The following ANKK1 variants were observed in gnomAD, a reference collection of about 807,000 sequenced individuals.
ANKK1 encodes ankyrin repeat and protein kinase domain-containing protein 1.
A neutral mutation model predicts 37.6 loss-of-function variants in ANKK1; 37 were observed. The observed-to-expected ratio is 0.98, with a 90% CI of 0.76 to 1.29. The LOEUF (loss-of-function observed/expected upper bound fraction) is 1.29. Among genes scored for constraint, ANKK1 ranks in the 50% most tolerant of loss-of-function variants. The pLI is 0.00. For missense variants in ANKK1, 1,019 were observed against 990.6 expected, an observed-to-expected ratio of 1.03 and a Z score of -0.39; for synonymous variants, 415 against 418.7, an observed-to-expected ratio of 0.99 and a Z score of 0.11.
rs754272864 is a variant in ANKK1 at position 113,396,067 on chromosome 11, G to A, written c.683G>A (p.Gly228Glu). ...ACATAGCCTGAGCCTCCCTTTGCAG[G>A]GTTCAACATGATGATGATTATTATC... ...ELLTQKKPYS[G>E]FNMMMIIIRV... The change falls in exon 5 of 8, where the codon GGG becomes GAG. Residue 228 changes from glycine to glutamate, a missense_variant and splice_region_variant. Physicochemically the swap from Gly to Glu is moderately conservative, Grantham distance 98. Coordinates refer to ENST00000303941, the MANE Select transcript of ANKK1 (RefSeq NM_178510.2). The A allele has an allele frequency of 6.8e-6, 11 of 1,613,928 alleles. No individual in the cohort carries two copies. Among genetic ancestry groups the A allele is most frequent in the Non-Finnish European group, 8.5e-6 (10 of 1,179,830 alleles).
Position 113,387,952 on chromosome 11 carries a change from G to A in ANKK1, c.68G>A (p.Gly23Asp), listed in dbSNP as rs1266239209. The A allele has an allele frequency of 1.3e-6, 2 of 1,574,226 alleles. No homozygotes were observed. The highest frequency in any genetic ancestry group is 2.3e-5 in the South Asian group (2 of 86,212). Reference sequence around the variant, plus strand: ...GTCTTCACCCGCGACGACTTCGAGGGCGACTGGCGCCTAGTGGCCAGCGGC... The same window carrying A: ...GTCTTCACCCGCGACGACTTCGAGGACGACTGGCGCCTAGTGGCCAGCGGC... ...LPVFTRDDFE[G>D]DWRLVASGGF... Residue 23 changes from glycine to aspartate, a missense_variant, in exon 1 of 8, where the codon GGC (glycine) becomes GAC (aspartate). Physicochemically the swap from Gly to Asp is moderately conservative, Grantham distance 94. Transcript: ENST00000303941.
At chr11:113,392,913 AAGAG>A (rs748797519) in intron 1 of ANKK1, among the ~76,000 whole-genome samples, 2 of 152,226 alleles carry the variant, frequency 1.3e-5, no homozygotes, top group African/African-American at 4.8e-5. Context: ...GAAGGAGTGA[AAGAG>A]AGGGAGAAAG....
chr11:113,397,116 C>A, intron 5 of ANKK1, 108 bp from the exon 6 acceptor site: 1 of 903,082 alleles, frequency 1.1e-6, no homozygotes, highest in Non-Finnish European at 1.7e-6. Context: ...ATATGTGAGC[C>A]CAGGAATGGA....
intron 4 of ANKK1, among the ~76,000 whole-genome samples, chr11:113,395,754 C>G (rs917349678): frequency 1.3e-5 from 2 of 152,210 alleles, no homozygotes; most frequent in Admixed American, 6.5e-5. Context: ...AACCTTGCAA[C>G]CTTGAGAGTC....
Position 113,397,313 on chromosome 11 carries a change from T to C in ANKK1, c.928T>C (p.Cys310Arg), listed in dbSNP as rs1209527757. The change falls in exon 6 of 8, where the codon TGC becomes CGC. Residue 310 changes from cysteine (C) to arginine (R), a missense_variant. Coordinates refer to ENST00000303941, the MANE Select transcript of ANKK1 (RefSeq NM_178510.2). Reference protein sequence around the residue: ...ESKALARKVSCKLSLRQPGEV... With the variant: ...ESKALARKVSRKLSLRQPGEV... ...CAAGGCCCTGGCCAGGAAGGTGTCCTGCAAGCTGTCGCTGCGCCAGCCCGG... is the reference window on the plus strand; with the variant it reads ...CAAGGCCCTGGCCAGGAAGGTGTCCCGCAAGCTGTCGCTGCGCCAGCCCGG... 6.2e-7 allele frequency: 1 copy of C among 1,612,704 alleles called. No individual in the cohort carries two copies. The highest frequency in any genetic ancestry group is 2.2e-5 in the East Asian group (1 of 44,828).
In ANKK1 at chr11:113,395,418, C is replaced by A; in HGVS notation, c.682+10C>A. 7 of 1,613,592 alleles carry A rather than the reference C, an allele frequency of 4.3e-6. No individual in the cohort carries two copies. Among genetic ancestry groups the A allele is most frequent in the Non-Finnish European group, 5.9e-6 (7 of 1,179,714 alleles). ...AAGAAACCATACTCAGGTAAGCAGG[C>A]GGCTGTGGCTCTGTGTTGGGGGCAG... On this transcript the variant is annotated intron_variant, in intron 4 of 7. Coordinates refer to ENST00000303941, the MANE Select transcript of ANKK1 (RefSeq NM_178510.2).
intron 1 of ANKK1, among the ~76,000 whole-genome samples, chr11:113,388,708 G>A (rs1057109368): frequency 1.3e-5 from 2 of 152,302 alleles, no homozygotes; most frequent in East Asian, 3.9e-4. Flanking sequence ...CTACAGCGAC[G>A]CCTTGACATG....
chr11:113,400,309 C>A lies in ANKK1; in HGVS notation c.*42C>A. ...TGGTGGCTCACGTCTGTAATCCCAG[C>A]ACTTTGGGAGGCTGAGGCAGGCAGA... On this transcript the variant is annotated 3_prime_UTR_variant, in exon 8 of 8. Coordinates refer to ENST00000303941, the MANE Select transcript of ANKK1 (RefSeq NM_178510.2). The A allele has an allele frequency of 4.1e-6, 6 of 1,480,906 alleles. No homozygotes were observed. The highest frequency in any genetic ancestry group is 1.4e-5 in the African/African-American group (1 of 71,548). The allele number at this position is 1,480,906 out of a possible 1,614,324, so 91.7% of individuals were successfully genotyped here.
At chr11:113,392,267 A>G (rs1950593234) in intron 1 of ANKK1, among the ~76,000 whole-genome samples, 1 of 152,228 alleles carries the variant, frequency 6.6e-6, no homozygotes, top group South Asian at 2.1e-4. Flanking sequence ...TGTGATTCCC[A>G]CATCCCATGC....
chr11:113,390,581 A>G (rs553843033), intron 1 of ANKK1, among the ~76,000 whole-genome samples: 27 of 152,264 alleles, frequency 1.8e-4, no homozygotes, highest in African/African-American at 5.8e-4. Context: ...CTAAAAATAC[A>G]TAAATTAGCT....
chr11:113,394,885 T>C (rs745898839), intron 2 of ANKK1, 44 bp from the exon 3 acceptor site: 8 of 1,601,656 alleles, frequency 5.0e-6, no homozygotes, highest in Non-Finnish European at 6.0e-6. Flanking sequence ...TTTCTGGTCA[T>C]GAGGCTCTAT....
At chr11:113,396,042 A>G in intron 4 of ANKK1, 25 bp from the exon 5 acceptor site, 1 of 1,612,224 alleles carries the variant, frequency 6.2e-7, no homozygotes, top group Non-Finnish European at 8.5e-7. Context: ...CTCAGCACCC[A>G]CATAGCCTGA....
At chr11:113,395,150 C>G (rs1212669803) in intron 3 of ANKK1, 70 bp downstream of exon 3, 10 of 1,534,538 alleles carry the variant, frequency 6.5e-6, no homozygotes, top group Non-Finnish European at 7.9e-6. Flanking sequence ...TGCCTGGCCT[C>G]TATGGCCCAA....
At position 113,399,193 on chromosome 11, in the gene ANKK1, C is replaced by T. The variant is rs773201249; in HGVS notation, c.1224C>T (p.Pro408=). 1.2e-5 allele frequency: 19 copies of T among 1,601,512 alleles called. No individual in the cohort carries two copies. The highest frequency in any genetic ancestry group is 6.8e-5 in the Admixed American group (4 of 58,492). ...TGATCGCCGCCCAGGACCAGCAACC[C>T]GACCTCTGTGCCCTGCTTTTGGCAC... is the stretch of plus-strand genomic sequence containing the variant. The part of the protein sequence containing the change: ...PLLIAAQDQQ[P]DLCALLLAHG... Residue 408 remains proline (P), a synonymous_variant, in exon 8 of 8, where the codon CCC becomes CCT. Transcript: ENST00000303941.
chr11:113,388,074 T>A lies in ANKK1; in HGVS notation c.185+5T>A, dbSNP rs369803292. 37 of 1,478,236 alleles carry A rather than the reference T, an allele frequency of 2.5e-5. No individual in the cohort carries two copies. Among genetic ancestry groups the A allele is most frequent in the Non-Finnish European group, 2.9e-5 (32 of 1,110,900 alleles). 91.6% of individuals were successfully genotyped at this position (1,478,236 alleles called of 1,614,324 possible). On this transcript the variant is annotated splice_donor_5th_base_variant and intron_variant, in intron 1 of 7. Transcript: ENST00000303941. ...CCTTCCACCCGACGCCGCCAGGTAC[T>A]GCCAGCCTCGCCCTCCCCTTTCTCG...
chr11:113,398,086 TC>T, intron 7 of ANKK1, 70 bp downstream of exon 7: 1 of 1,527,112 alleles, frequency 6.5e-7, no homozygotes, highest in Non-Finnish European at 8.9e-7. Flanking sequence ...CCACACCCTT[TC>T]CCCATCCCCC....
Position 113,400,192 on chromosome 11 carries a change from G to A in ANKK1, c.2223G>A (p.Met741Ile), listed in dbSNP as rs1357964987. 6.4e-7 allele frequency: 1 copy of A among 1,563,126 alleles called. No homozygotes were observed. Among genetic ancestry groups the A allele is most frequent in the Non-Finnish European group, 8.7e-7 (1 of 1,154,614 alleles). The change falls in exon 8 of 8, where the codon ATG becomes ATA. Residue 741 changes from methionine (M) to isoleucine (I), a missense_variant. Met to Ile is a conservative substitution (Grantham distance 10). Coordinates refer to ENST00000303941, the MANE Select transcript of ANKK1 (RefSeq NM_178510.2). Reference sequence around the variant, plus strand: ...TCCGCAGCCGAAAGCAGGGCATCATGTCCTTCCTAGAGGGCAAGGAGCCGT... The same window carrying A: ...TCCGCAGCCGAAAGCAGGGCATCATATCCTTCCTAGAGGGCAAGGAGCCGT... ...LALRSRKQGI[M>I]SFLEGKEPSV...
In ANKK1 at chr11:113,398,033, C is replaced by CG; in HGVS notation, c.994+20dup. On this transcript the variant is annotated intron_variant, in intron 7 of 7. Transcript: ENST00000303941. ...TGGACAGTGGTGAGTCTGGGTGCCA[C>CG]GGGCGGGACCAGAGAACTCACAGCA... 6.4e-7 allele frequency: 1 copy of CG among 1,563,710 alleles called. No individual in the cohort carries two copies. The highest frequency in any genetic ancestry group is 1.4e-5 in the African/African-American group (1 of 73,790).
Position 113,400,019 on chromosome 11 carries a change from A to G in ANKK1, c.2050A>G (p.Asn684Asp). The G allele has an allele frequency of 6.2e-7, 1 of 1,613,396 alleles. No homozygotes were observed. Among genetic ancestry groups the G allele is most frequent in the Non-Finnish European group, 8.5e-7 (1 of 1,179,824 alleles). The change falls in exon 8 of 8, where the codon AAT (asparagine) becomes GAT (aspartate). Residue 684 changes from asparagine (N) to aspartate (D), a missense_variant. Physicochemically the swap from Asn to Asp is conservative, Grantham distance 23 (BLOSUM62 1). Coordinates refer to ENST00000303941, the MANE Select transcript of ANKK1 (RefSeq NM_178510.2). ...CATCAACCTCCTAGAACATCACGCA[A>G]ATGTCCACGCCCGCAACAAGGTGGG... ...SVINLLEHHA[N>D]VHARNKVGWT...
Sources: gnomAD v4.1 joint callset for allele counts (sites outside exome capture counted in the v4.1 genomes callset) on GRCh38, gnomAD v4.1.1 for gene constraint, MANE v1.5 for transcripts, NCBI Gene and HGNC (gene_info 2026-07-23, HGNC 2026-07-21) for gene names.